IRAK1: variants seen among roughly 807,000 people sequenced by gnomAD.
IRAK1 encodes interleukin 1 receptor associated kinase 1.
In IRAK1, 9 loss-of-function variants were observed where a neutral mutation model predicts 49.8. The ratio of observed to expected loss-of-function variants is 0.18; its 90% CI spans 0.11 to 0.32. The LOEUF is 0.32. IRAK1 is among the 10% of genes least tolerant of loss of function. The probability of loss-of-function intolerance (pLI) is 1.00; values close to 1 mark genes in which losing one functional copy is unlikely to be tolerated. For synonymous variants in IRAK1, 282 were observed against 270.8 expected, an observed-to-expected ratio of 1.04 and a Z score of -0.41; for missense variants, 418 against 600.5, an observed-to-expected ratio of 0.70 and a Z score of 3.18.
At position 154,013,175 on chromosome X, in the gene IRAK1, G is replaced by A. The variant is rs199501854; in HGVS notation, c.1798C>T (p.Arg600Cys). The change falls in exon 12 of 14, where the codon CGC (arginine) becomes TGC (cysteine). Residue 600 changes from arginine (R) to cysteine (C), a missense_variant. Physicochemically the swap from Arg to Cys is radical, Grantham distance 180. Coordinates refer to ENST00000369980, the MANE Select transcript of IRAK1 (RefSeq NM_001569.4). ...ESLGGLSAAL[R>C]SWHLTPSCPL... ...CAGCTTGGAGTCAAGTGCCAGGAGC[G>A]CAGGGCAGCAGAGAGGCCGCCTAGG... The A allele has an allele frequency of 5.4e-5, 65 of 1,208,424 alleles. No individual in the cohort carries two copies. The African/African-American group carries it at 8.0e-4, about 15-fold the overall frequency.
Position 154,011,541 on chromosome X carries a change from C to A in IRAK1, c.*318G>T. On this transcript the variant is annotated 3_prime_UTR_variant, in exon 14 of 14. Transcript: ENST00000369980. ...CATGGCTCTCAGGGGAGCCAGCTCC[C>A]TACTCCACACCCCTGCACAGCAGCC... The A allele has an allele frequency of 2.8e-6, 1 of 363,119 alleles. No homozygotes were observed. Among genetic ancestry groups the A allele is most frequent in the Non-Finnish European group, 4.9e-6 (1 of 202,755 alleles). The allele number at this position is 363,119 out of a possible 1,213,427, so 29.9% of individuals were successfully genotyped here. A position where few individuals can be genotyped will look rare whatever the true frequency, so the allele number is the denominator to read the frequency against.
In IRAK1 at chrX:154,014,180, AGCAGCCCAGGCATCT is replaced by A. The variant is rs1411929778; in HGVS notation, c.1386_1400del (p.Asp463_Ala467del). 1 of 1,207,387 alleles carries A rather than the reference AGCAGCCCAGGCATCT, an allele frequency of 8.3e-7. No individual in the cohort carries two copies. Among genetic ancestry groups the A allele is most frequent in the Non-Finnish European group, 1.1e-6 (1 of 894,258 alleles). The stretch of plus-strand genomic sequence containing the variant: ...TCTTGTAGATCTGCATGGCGATGGG[AGCAGCCCAGGCATCT>A]GCAGCCAGACCTGCTTGCAGTGTGC... On this transcript the variant is annotated inframe_deletion, in exon 11 of 14. Transcript: ENST00000369980.
Position 154,015,099 on chromosome X carries a change from C to T in IRAK1, c.1303-821G>A, listed in dbSNP as rs181801810. ...GTGGGCGGTGGCTTTTCTCGCAGAG[C>T]GAACGGCACATACTAAGGCTGTGAA... On this transcript the variant is annotated intron_variant, in intron 10 of 13. Transcript: ENST00000369980. Among the ~76,000 whole-genome samples the T allele has an allele frequency of 4.8e-4, 54 of 112,368 alleles. 1 individual carries two copies. Among genetic ancestry groups the T allele is most frequent in the South Asian group, 3.3e-3 (9 of 2,692 alleles).
chrX:154,012,859 G>A (rs182813473), intron 12 of IRAK1, among the ~76,000 whole-genome samples, 181 bp from the exon 13 acceptor site: 2 of 112,959 alleles, frequency 1.8e-5, no homozygotes, highest in Admixed American at 9.3e-5. Flanking sequence ...GTGGGGGGAG[G>A]GCTGGAGAGC....
rs1480173413 is a variant in IRAK1 at position 154,013,210 on chromosome X, C to T, written c.1763G>A (p.Ser588Asn). Residue 588 changes from serine to asparagine, a missense_variant, in exon 12 of 14, where the codon AGT (serine) becomes AAT (asparagine). Around this residue, in one of 3 missense-constraint regions of IRAK1, gnomAD observed 377 missense variants for 499.5 expected, o/e 0.75. Transcript: ENST00000369980. ...LQRGPNQPVESDESLGGLSAA... is the reference protein window; with the variant it reads ...LQRGPNQPVENDESLGGLSAA... The stretch of plus-strand genomic sequence containing the variant: ...AGAGAGGCCGCCTAGGCTCTCGTCA[C>T]TCTCCACGGGCTGGTTGGGGCCTCT... 4.1e-6 allele frequency: 5 copies of T among 1,209,400 alleles called. No homozygotes were observed. Among genetic ancestry groups the T allele is most frequent in the Non-Finnish European group, 2.2e-6 (2 of 895,248 alleles).
At position 154,018,961 on chromosome X, in the gene IRAK1, C is replaced by A. The variant is rs371458924; in HGVS notation, c.540+14G>T. On this transcript the variant is annotated intron_variant, in intron 4 of 13. Transcript: ENST00000369980. ...CTTGTCTCGAATCTTCCCTGGGGGG[C>A]AGGGGACACCTACCTTGGTAGAAGA... The A allele has an allele frequency of 3.0e-4, 340 of 1,148,861 alleles. 1 individual carries two copies. In the South Asian group the frequency reaches 5.5e-3, roughly 19 times the overall value. The allele number at this position is 1,148,861 out of a possible 1,213,427, so 94.7% of individuals were successfully genotyped here.
In IRAK1 at chrX:154,019,819, C is replaced by T. The variant is rs1445155829; in HGVS notation, c.-7G>A. On this transcript the variant is annotated 5_prime_UTR_variant, in exon 1 of 14. Transcript: ENST00000369980. ...GGCCCGGCCCCCCGGCCATGGCTGCCGCCGCCGGGCCGGGACCTGCCGGGG... is the reference window on the plus strand; with the variant it reads ...GGCCCGGCCCCCCGGCCATGGCTGCTGCCGCCGGGCCGGGACCTGCCGGGG... The T allele has an allele frequency of 5.9e-6, 5 of 851,456 alleles. No homozygotes were observed. Among genetic ancestry groups the T allele is most frequent in the Non-Finnish European group, 7.1e-6 (5 of 701,691 alleles). 70.2% of individuals were successfully genotyped at this position (851,456 alleles called of 1,213,427 possible).
At position 154,018,096 on chromosome X, in the gene IRAK1, G is replaced by C. The variant is rs782548826; in HGVS notation, c.819C>G (p.Asp273Glu). 8.3e-7 allele frequency: 1 copy of C among 1,209,789 alleles called. No individual in the cohort carries two copies. The highest frequency in any genetic ancestry group is 1.1e-6 in the Non-Finnish European group (1 of 893,295). The change falls in exon 7 of 14, where the codon GAC (aspartate) becomes GAG (glutamate). Residue 273 changes from aspartate (D) to glutamate (E), a missense_variant. Coordinates refer to ENST00000369980, the MANE Select transcript of IRAK1 (RefSeq NM_001569.4). ...LSRFRHPNIV[D>E]FAGYCAQNGF... is the part of the protein sequence containing the mutation. ...CGTTCTGAGCACAGTAGCCAGCAAAGTCCACAATGTTTGGGTGACGAAACC... is the reference window on the plus strand; with the variant it reads ...CGTTCTGAGCACAGTAGCCAGCAAACTCCACAATGTTTGGGTGACGAAACC...
rs1294577156 is a variant in IRAK1 at position 154,017,814 on chromosome X, AAAAAAAAAAAAAT to A, written c.909+179_909+191del. ...CCACCTCAAAAAAAAAAAAAAAAAA[AAAAAAAAAAAAAT>A]TGACCCCACCGTGGGCCAAATCCTG... On this transcript the variant is annotated intron_variant, in intron 7 of 13. Transcript: ENST00000369980. Among the ~76,000 whole-genome samples the A allele has an allele frequency of 8.2e-5, 8 of 98,101 alleles. No individual in the cohort carries two copies. In the East Asian group the frequency reaches 9.1e-4, roughly 11 times the overall value. 85.2% of individuals were successfully genotyped at this position (98,101 alleles called of 115,157 possible). A position where few individuals can be genotyped will look rare whatever the true frequency, so the allele number is the denominator to read the frequency against.
intron 9 of IRAK1, 57 bp from the exon 10 acceptor site, chrX:154,016,154 G>A: frequency 2.0e-6 from 2 of 1,001,545 alleles, no homozygotes; most frequent in African/African-American, 1.8e-5. Context: ...AGAGGCCTCT[G>A]GTGTGGACAT....
intron 10 of IRAK1, 69 bp from the exon 11 acceptor site, chrX:154,014,347 G>T: frequency 1.0e-5 from 9 of 892,708 alleles, no homozygotes; most frequent in African/African-American, 2.3e-5. Flanking sequence ...TCAGGTCCTT[G>T]TCACTCAATC....
rs1557127160 is a variant in IRAK1, at chrX:154,010,597, A to G, written c.*1262T>C. On this transcript the variant is annotated 3_prime_UTR_variant, in exon 14 of 14. Coordinates refer to ENST00000369980, the MANE Select transcript of IRAK1 (RefSeq NM_001569.4). The stretch of plus-strand genomic sequence containing the variant: ...CATGTAGTGTGACTCACGGCTGAAC[A>G]CAAAATCACTGTGAAGCCTGTGCTA... 6.3e-6 allele frequency: 1 copy of G among 157,556 alleles called. No homozygotes were observed. The highest frequency in any genetic ancestry group is 3.0e-5 in the African/African-American group (1 of 33,218). 13.0% of individuals were successfully genotyped at this position (157,556 alleles called of 1,213,427 possible).
At position 154,018,373 on chromosome X, in the gene IRAK1, C is replaced by T. The variant is rs1557130109; in HGVS notation, c.730-18G>A. ...TCAGCGTTCTGCAGCCCCCAGGGTG[C>T]GGTGGGGGAAGGGGCAGGGAAGACG... On this transcript the variant is annotated intron_variant, in intron 5 of 13. Transcript: ENST00000369980. 12 of 1,149,769 alleles carry T rather than the reference C, an allele frequency of 1.0e-5. No individual in the cohort carries two copies. Among genetic ancestry groups the T allele is most frequent in the Middle Eastern group, 2.4e-4 (1 of 4,220 alleles). 94.8% of individuals were successfully genotyped at this position (1,149,769 alleles called of 1,213,427 possible). A position where few individuals can be genotyped will look rare whatever the true frequency, so the allele number is the denominator to read the frequency against.
At chrX:154,017,213 T>C in intron 7 of IRAK1, 146 bp from the exon 8 acceptor site, 1 of 468,896 alleles carries the variant, frequency 2.1e-6, no homozygotes, top group South Asian at 3.0e-5. Flanking sequence ...AGGAGCAAAG[T>C]CTCCGTGACC....
chrX:154,015,514 A>G (rs782430784), intron 10 of IRAK1, among the ~76,000 whole-genome samples: 35 of 112,781 alleles, frequency 3.1e-4, no homozygotes, highest in African/African-American at 1.0e-3. Flanking sequence ...ACAGGCCCAC[A>G]GGGGAGCAGG....
chrX:154,012,307 C>G (rs1423835935), intron 13 of IRAK1, among the ~76,000 whole-genome samples: 1 of 112,688 alleles, frequency 8.9e-6, no homozygotes, highest in Non-Finnish European at 1.9e-5. Flanking sequence ...GGGCAGGCAC[C>G]CTCGGGCTAA....
At chrX:154,017,870 G>A (rs1269812945) in intron 7 of IRAK1, 136 bp downstream of exon 7, 8 of 466,325 alleles carry the variant, frequency 1.7e-5, no homozygotes, top group Non-Finnish European at 3.0e-5. Flanking sequence ...TGCTGCTGGG[G>A]AGCTGGAAGT....
intron 8 of IRAK1, 89 bp downstream of exon 8, chrX:154,016,860 C>G: frequency 2.7e-6 from 2 of 727,860 alleles, no homozygotes; most frequent in Non-Finnish European, 4.4e-6. Flanking sequence ...GTTGAGGTCC[C>G]AGGCCATGCC....
In IRAK1 at chrX:154,011,758, C is replaced by A; in HGVS notation, c.*101G>T. On this transcript the variant is annotated 3_prime_UTR_variant, in exon 14 of 14. Transcript: ENST00000369980. ...TCTCCCCCGCGGGCATGGGCCCCCA[C>A]CCCCACTGCCGGCAGAGTGCTGAGG... 1 of 862,120 alleles carries A rather than the reference C, an allele frequency of 1.2e-6. No individual in the cohort carries two copies. Among genetic ancestry groups the A allele is most frequent in the Non-Finnish European group, 1.7e-6 (1 of 577,149 alleles). The allele number at this position is 862,120 out of a possible 1,213,427, so 71.0% of individuals were successfully genotyped here.
Sources: allele counts gnomAD v4.1 joint callset (sites outside exome capture counted in the v4.1 genomes callset), GRCh38; gene constraint gnomAD v4.1.1; regional missense constraint gnomAD v4.1.1; transcripts MANE v1.5; gene names NCBI Gene and HGNC (gene_info 2026-07-23, HGNC 2026-07-21).